The following CDHR2 variants were observed in gnomAD, a reference collection of about 807,000 sequenced individuals.
The protein encoded by CDHR2 is cadherin related family member 2.
A neutral mutation model predicts 138.6 loss-of-function variants in CDHR2; 104 were observed. The observed-to-expected ratio is 0.75, with a 90% CI of 0.64 to 0.88. The LOEUF is 0.88. CDHR2 is among the 40% of genes least tolerant of loss of function. CDHR2 has a pLI of 0.00. For missense variants in CDHR2, 1,624 were observed against 1,727.6 expected (o/e 0.94, Z 1.06); for synonymous variants, 755 against 742.8 (o/e 1.02, Z -0.27).
At chr5:176,565,998 A>G (rs1758070577) in intron 3 of CDHR2, among the ~76,000 whole-genome samples, 1 of 151,680 alleles carries the variant, frequency 6.6e-6, no homozygotes, top group South Asian at 2.1e-4. Context: ...GGCCTCCCCC[A>G]TTGCCCATCG....
intron 24 of CDHR2, 127 bp downstream of exon 24, chr5:176,589,743 T>C (rs973958855): frequency 1.2e-6 from 1 of 821,192 alleles, no homozygotes; most frequent in Non-Finnish European, 2.0e-6. Context: ...GTCCCTGTCT[T>C]CAACCCTGTA....
chr5:176,585,685 C>T (rs1250640144), intron 19 of CDHR2, among the ~76,000 whole-genome samples: 3 of 152,328 alleles, frequency 2.0e-5, no homozygotes, highest in African/African-American at 7.2e-5. Flanking sequence ...CTCCCACCCA[C>T]ACAGGCCAGA....
upstream of CDHR2, chr5:176,547,518 C>G (rs1367172003): frequency 6.6e-6 from 1 of 152,194 alleles, no homozygotes; most frequent in Non-Finnish European, 1.5e-5. Context: ...GAAGTTTGAC[C>G]TGCTCTGTTT....
At chr5:176,582,702 A>G (rs1251090219) in intron 17 of CDHR2, among the ~76,000 whole-genome samples, 2 of 152,170 alleles carry the variant, frequency 1.3e-5, no homozygotes, top group Non-Finnish European at 2.9e-5. Flanking sequence ...GGATCATTTC[A>G]GCCCAGGAGG....
chr5:176,568,028 G>A (rs964942829), intron 3 of CDHR2, among the ~76,000 whole-genome samples: 11 of 152,222 alleles, frequency 7.2e-5, no homozygotes, highest in Admixed American at 2.0e-4. Flanking sequence ...GCCCTGTGGC[G>A]GAGCTCCAGG....
At chr5:176,565,805 T>C (rs1581135549) in intron 3 of CDHR2, 62 bp downstream of exon 3, 1 of 1,361,680 alleles carries the variant, frequency 7.3e-7, no homozygotes, top group African/African-American at 1.4e-5. Flanking sequence ...AGTCCTGGGG[T>C]GCCCTCTGGA....
intron 1 of CDHR2, among the ~76,000 whole-genome samples, chr5:176,544,143 T>C (rs1343326242): frequency 2.6e-5 from 4 of 152,314 alleles, no homozygotes; most frequent in African/African-American, 9.6e-5. Context: ...CAGGTTTAGC[T>C]CCTCTGCGGA....
Position 176,581,576 on chromosome 5 carries a change from T to C in CDHR2, c.2052T>C (p.Thr684=). The C allele has an allele frequency of 6.2e-7, 1 of 1,613,586 alleles. No homozygotes were observed. Among genetic ancestry groups the C allele is most frequent in the Non-Finnish European group, 8.5e-7 (1 of 1,179,974 alleles). The change falls in exon 17 of 32, where the codon ACT becomes ACC. Residue 684 remains threonine, a synonymous_variant. Transcript: ENST00000261944. ...GCACCAAAGTCAATGTCACCATCAC[T>C]GTGGAGGTAAGGCCTCGCTTAGCCA... ...VLGTKVNVTI[T]VEDINDNLPI... is the part of the protein sequence containing the mutation.
intron 28 of CDHR2, 44 bp from the exon 29 acceptor site, chr5:176,591,166 C>A: frequency 1.5e-6 from 2 of 1,350,240 alleles, no homozygotes; most frequent in Non-Finnish European, 2.1e-6. Flanking sequence ...GGGGACACAA[C>A]AGGTGTGCAG....
At position 176,589,358 on chromosome 5, in the gene CDHR2, C is replaced by T. The variant is rs1283025403; in HGVS notation, c.3037C>T (p.Gln1013Ter). Residue 1013 changes from glutamine to a stop codon, truncating the protein, a stop_gained, in exon 23 of 32, where the codon CAA (glutamine) becomes TAA (stop). Coordinates refer to ENST00000261944, the MANE Select transcript of CDHR2 (RefSeq NM_017675.6). LOFTEE classifies it high-confidence loss of function. Reference sequence around the variant, plus strand: ...GGTGACCAGCCTCGACTCCACTCTCCAAGGCACCTACCAAGTGACAGTCCA... The same window carrying T: ...GGTGACCAGCCTCGACTCCACTCTCTAAGGCACCTACCAAGTGACAGTCCA... ...QPVTSLDSTL[Q>*]GTYQVTVQAR... The T allele has an allele frequency of 6.4e-7, 1 of 1,559,320 alleles. No individual in the cohort carries two copies. Among genetic ancestry groups the T allele is most frequent in the South Asian group, 1.2e-5 (1 of 80,816 alleles).
intron 1 of CDHR2, among the ~76,000 whole-genome samples, chr5:176,557,689 T>TCCTTCCTTCCTTCCTTCCTTCCTTC (rs1561866741): frequency 9.2e-5 from 3 of 32,776 alleles, no homozygotes; most frequent in African/African-American, 1.3e-4. Flanking sequence ...GATTTTTTTT[T>TCCTTCCTTCCTTCCTTCCTTCCTTC]CTTTCTTTCT....
intron 19 of CDHR2, among the ~76,000 whole-genome samples, chr5:176,585,648 T>C (rs1485076361): frequency 6.6e-6 from 1 of 152,202 alleles, no homozygotes; most frequent in African/African-American, 2.4e-5. Context: ...GACAAGCTGC[T>C]TATCTGCTCT....
chr5:176,551,472 C>T (rs1252838329), intron 1 of CDHR2, among the ~76,000 whole-genome samples: 2 of 151,830 alleles, frequency 1.3e-5, no homozygotes, highest in Admixed American at 6.6e-5. Context: ...TATAGATAGT[C>T]CCCATTTTAA....
At chr5:176,554,092 C>A (rs1757768900) in intron 1 of CDHR2, among the ~76,000 whole-genome samples, 1 of 152,208 alleles carries the variant, frequency 6.6e-6, no homozygotes, top group African/African-American at 2.4e-5. Flanking sequence ...CCCTGCCGTT[C>A]AGCATGTGGG....
At chr5:176,565,855 C>A in intron 3 of CDHR2, 112 bp downstream of exon 3, 1 of 750,880 alleles carries the variant, frequency 1.3e-6, no homozygotes, top group South Asian at 1.7e-5. Flanking sequence ...TATTGTGGGA[C>A]AAAGAGGGAC....
intron 1 of CDHR2, among the ~76,000 whole-genome samples, chr5:176,558,219 T>A (rs201838137): frequency 0.29 from 42,070 of 144,014 alleles, 6,309 homozygotes; most frequent in East Asian, 0.49. Flanking sequence ...TTCTTATTTT[T>A]TTTTTTTTTT....
chr5:176,555,644 C>T (rs557613624), intron 1 of CDHR2, among the ~76,000 whole-genome samples: 53 of 152,332 alleles, frequency 3.5e-4, no homozygotes, highest in African/African-American at 7.0e-4. Flanking sequence ...GGATGGCTCA[C>T]GCCTGTAATC....
At chr5:176,549,623 C>T (rs763528974) in intron 1 of CDHR2, among the ~76,000 whole-genome samples, 1 of 152,186 alleles carries the variant, frequency 6.6e-6, no homozygotes, top group Admixed American at 6.5e-5. Context: ...AATAATACCT[C>T]CTTCCCTGGG....
In CDHR2 at chr5:176,576,117, G is replaced by A. The variant is rs532896351; in HGVS notation, c.1126G>A (p.Val376Met). ...EEAQVNFTGYVDEHASPRIPI... is the reference protein window; with the variant it reads ...EEAQVNFTGYMDEHASPRIPI... ...GGCCCAAGTGAACTTCACTGGCTAC[G>A]TGGACGAGCATGCCTCCCCCCGCAT... The change falls in exon 12 of 32, where the codon GTG becomes ATG. Residue 376 changes from valine (V) to methionine (M), a missense_variant. Transcript: ENST00000261944. This position sits in a 1 kb window ranked among gnomAD's most constrained non-coding sequence, Gnocchi z 4.5. 157 of 1,614,092 alleles carry A rather than the reference G, an allele frequency of 9.7e-5. 1 individual carries two copies. The South Asian group carries it at 1.5e-3, about 16-fold the overall frequency.
Sources: allele counts gnomAD v4.1 joint callset (sites outside exome capture counted in the v4.1 genomes callset), GRCh38; gene constraint gnomAD v4.1.1; non-coding constraint Gnocchi (gnomAD v3.1); transcripts MANE v1.5; gene names NCBI Gene and HGNC (gene_info 2026-07-23, HGNC 2026-07-21).